DYNC1LI1: variants seen among roughly 807,000 people sequenced by gnomAD.
DYNC1LI1 encodes the protein cytoplasmic dynein 1 light intermediate chain 1.
Under a neutral mutation model 63.8 loss-of-function variants are expected in DYNC1LI1, and 19 were observed. That is an observed-to-expected ratio of 0.30 (90% CI 0.21 to 0.44). The LOEUF is 0.44. Among genes scored for constraint, DYNC1LI1 ranks in the 20% least tolerant of loss-of-function variants. The probability of loss-of-function intolerance (pLI) is 1.00; values close to 1 mark genes in which losing one functional copy is unlikely to be tolerated. For synonymous variants in DYNC1LI1, 225 were observed against 232.3 expected (o/e 0.97, Z 0.28); for missense variants, 565 against 630.2 (o/e 0.90, Z 1.11).
At position 32,526,936 on chromosome 3, in the gene DYNC1LI1, A is replaced by G. The variant is rs113595956; in HGVS notation, c.1463-28T>C. ...ACATTGAAGAAAAAGAAAAAAAACA[A>G]GATTTAGATATAAGTGAAAGTATCG... On this transcript the variant is annotated intron_variant, in intron 12 of 12. Transcript: ENST00000273130. The G allele has an allele frequency of 1.4e-4, 206 of 1,497,370 alleles. 1 individual carries two copies. The African/African-American group carries it at 1.7e-3, about 12-fold the overall frequency. 92.8% of individuals were successfully genotyped at this position (1,497,370 alleles called of 1,614,324 possible).
Position 32,534,587 on chromosome 3 carries a change from T to C in DYNC1LI1, c.892A>G (p.Lys298Glu). The C allele has an allele frequency of 6.3e-7, 1 of 1,592,882 alleles. No individual in the cohort carries two copies. The highest frequency in any genetic ancestry group is 8.6e-7 in the Non-Finnish European group (1 of 1,163,560). The change falls in exon 7 of 13, where the codon AAA becomes GAA. Residue 298 changes from lysine to glutamate, a missense_variant. Coordinates refer to ENST00000273130, the MANE Select transcript of DYNC1LI1 (RefSeq NM_016141.4). ...KENKNIDLVY[K>E]YIVQKLYGFP... ...CCATATAGTTTCTGAACGATGTATT[T>C]ATATACTAAGTCTATATTTTTGTTT...
chr3:32,540,301 T>C (rs1345176810), intron 5 of DYNC1LI1, among the ~76,000 whole-genome samples: 1 of 152,204 alleles, frequency 6.6e-6, no homozygotes, highest in Admixed American at 6.5e-5. Context: ...GATGACTGCA[T>C]GTTAACTTTA....
chr3:32,534,321 C>T (rs1299535318), intron 7 of DYNC1LI1, among the ~76,000 whole-genome samples, 190 bp downstream of exon 7: 1 of 152,218 alleles, frequency 6.6e-6, no homozygotes, highest in African/African-American at 2.4e-5. Context: ...CTCAGGCCAG[C>T]AGTAAATCTA....
At chr3:32,543,444 GGCTGGA>G (rs1697909630) in intron 4 of DYNC1LI1, among the ~76,000 whole-genome samples, 1 of 142,948 alleles carries the variant, frequency 7.0e-6, no homozygotes, top group South Asian at 2.2e-4. Context: ...CTGTCGCCCA[GGCTGGA>G]GTACAGTGGC....
At chr3:32,567,178 CAG>C (rs550955126) in intron 2 of DYNC1LI1, among the ~76,000 whole-genome samples, 1 of 152,182 alleles carries the variant, frequency 6.6e-6, no homozygotes, top group Non-Finnish European at 1.5e-5. Context: ...AAATCCATGC[CAG>C]AGTCACAGAA....
At position 32,541,200 on chromosome 3, in the gene DYNC1LI1, C is replaced by T; in HGVS notation, c.575G>A (p.Arg192Lys). The T allele has an allele frequency of 3.2e-6, 5 of 1,582,996 alleles. No individual in the cohort carries two copies. Among genetic ancestry groups the T allele is most frequent in the Non-Finnish European group, 4.3e-6 (5 of 1,163,774 alleles). ...TGGCTCTACATATTCTTGGAAGTCT[C>T]TAATCACTGAAAATCAAAGTAAACA... ...EMKQMEQKLI[R>K]DFQEYVEPGE... Residue 192 changes from arginine (R) to lysine (K), a missense_variant, in exon 5 of 13, where the codon AGA becomes AAA. By Grantham distance (26) the Arg-to-Lys change is conservative. Transcript: ENST00000273130.
Position 32,545,068 on chromosome 3 carries a change from G to C in DYNC1LI1, c.376C>G (p.Leu126Val). The C allele has an allele frequency of 1.2e-6, 2 of 1,613,640 alleles. No homozygotes were observed. The highest frequency in any genetic ancestry group is 1.7e-6 in the Non-Finnish European group (2 of 1,179,620). ...RCNVWILDGD[L>V]YHKGLLKFSL... Reference sequence around the variant, plus strand: ...AATTTAAGGAGGCCTTTGTGATATAGGTCTCCATCTAAGATCCAAACATTA... The same window carrying C: ...AATTTAAGGAGGCCTTTGTGATATACGTCTCCATCTAAGATCCAAACATTA... The change falls in exon 4 of 13, where the codon CTA becomes GTA. Residue 126 changes from leucine (L) to valine (V), a missense_variant. By Grantham distance (32) the Leu-to-Val change is conservative. Coordinates refer to ENST00000273130, the MANE Select transcript of DYNC1LI1 (RefSeq NM_016141.4).
chr3:32,537,953 ATATATATAATATATATATATT>A (rs869174835), intron 5 of DYNC1LI1, among the ~76,000 whole-genome samples: 725 of 4,272 alleles, frequency 0.17, 76 homozygotes, highest in African/African-American at 0.28. Flanking sequence ...TATATAATTT[ATATATATAATATATATATATT>A]TATATATAAT....
At chr3:32,528,296 A>G (rs1489437369) in intron 12 of DYNC1LI1, 150 bp downstream of exon 12, 3 of 777,054 alleles carry the variant, frequency 3.9e-6, no homozygotes, top group Non-Finnish European at 4.1e-6. Flanking sequence ...TGGGGAGATA[A>G]AAATGTTCTA....
intron 7 of DYNC1LI1, among the ~76,000 whole-genome samples, chr3:32,533,939 CG>C (rs1697739522): frequency 7.0e-6 from 1 of 143,276 alleles, no homozygotes. Flanking sequence ...TGAAGTGGTG[CG>C]ATTTCGGTTC....
intron 2 of DYNC1LI1, among the ~76,000 whole-genome samples, chr3:32,561,551 C>T (rs1698194439): frequency 6.6e-6 from 1 of 152,018 alleles, no homozygotes; most frequent in African/African-American, 2.4e-5. Context: ...ATTGCTTGAA[C>T]CCGGGAGTCA....
In DYNC1LI1 at chr3:32,537,603, T is replaced by C. The variant is rs186514483; in HGVS notation, c.739-499A>G. On this transcript the variant is annotated intron_variant, in intron 5 of 12. Transcript: ENST00000273130. ...TTTCTGGTGCTTTTATTCACTCTTA[T>C]TACAATCTCACTAATAACAAAATAA... Among the ~76,000 whole-genome samples the C allele has an allele frequency of 3.2e-3, 481 of 151,888 alleles. 2 individuals carry two copies. Among genetic ancestry groups the C allele is most frequent in the Non-Finnish European group, 5.2e-3 (355 of 67,924 alleles).
At chr3:32,563,289 CT>C (rs1292071061) in intron 2 of DYNC1LI1, among the ~76,000 whole-genome samples, 1,592 of 133,934 alleles carry the variant, frequency 0.012, 16 homozygotes, top group African/African-American at 0.028. Flanking sequence ...TGGTCACTTA[CT>C]TTTTTTTTTT....
chr3:32,527,645 A>G (rs1279140720), intron 12 of DYNC1LI1, among the ~76,000 whole-genome samples: 3 of 152,210 alleles, frequency 2.0e-5, no homozygotes, highest in Non-Finnish European at 4.4e-5. Context: ...ACACAACCCA[A>G]TAATTCCACT....
intron 6 of DYNC1LI1, among the ~76,000 whole-genome samples, 183 bp from the exon 7 acceptor site, chr3:32,534,829 T>C (rs557430022): frequency 6.6e-6 from 1 of 152,314 alleles, no homozygotes; most frequent in African/African-American, 2.4e-5. Flanking sequence ...GGGCTACAAT[T>C]AATAAAAGAA....
intron 2 of DYNC1LI1, among the ~76,000 whole-genome samples, chr3:32,565,915 C>T (rs1259179288): frequency 6.6e-6 from 1 of 152,112 alleles, no homozygotes; most frequent in African/African-American, 2.4e-5. Context: ...CCTCAGGCTG[C>T]AAAATTTTGA....
intron 2 of DYNC1LI1, among the ~76,000 whole-genome samples, chr3:32,561,109 G>A (rs1698188214): frequency 6.7e-6 from 1 of 148,154 alleles, no homozygotes; most frequent in Non-Finnish European, 1.5e-5. Flanking sequence ...ATCAGTAAAT[G>A]CTAAGCACAG....
chr3:32,567,672 G>A (rs982712231), intron 2 of DYNC1LI1, among the ~76,000 whole-genome samples: 12 of 150,600 alleles, frequency 8.0e-5, no homozygotes, highest in African/African-American at 2.7e-4. Flanking sequence ...CTGAGTAGCT[G>A]AGACTACAGG....
Position 32,529,092 on chromosome 3 carries a change from G to T in DYNC1LI1, c.1306+448C>A, listed in dbSNP as rs116884331. Among the ~76,000 whole-genome samples, 100 of 152,212 alleles carry T rather than the reference G, an allele frequency of 6.6e-4. 1 individual carries two copies. In the East Asian group the frequency reaches 0.016, roughly 24 times the overall value. On this transcript the variant is annotated intron_variant, in intron 11 of 12. Coordinates refer to ENST00000273130, the MANE Select transcript of DYNC1LI1 (RefSeq NM_016141.4). ...TTTAAAGCATGTTAATTAGGTTGTG[G>T]TAAAACTGCAACACTCAATGTTGAT... is the stretch of plus-strand genomic sequence containing the variant.
Sources: gnomAD v4.1 joint callset for allele counts (sites outside exome capture counted in the v4.1 genomes callset) on GRCh38, gnomAD v4.1.1 for gene constraint, MANE v1.5 for transcripts, NCBI Gene and HGNC (gene_info 2026-07-23, HGNC 2026-07-21) for gene names.